The following SOX6 variants were observed in gnomAD, a reference collection of about 807,000 sequenced individuals.
SOX6 encodes the protein transcription factor SOX-6.
A neutral mutation model predicts 97.8 loss-of-function variants in SOX6; 11 were observed. That is an observed-to-expected ratio of 0.11 (90% CI 0.07 to 0.19). SOX6 has a LOEUF of 0.19. Ranked by LOEUF, SOX6 falls within the 10% of genes least tolerant of loss-of-function variation. SOX6 has a pLI of 1.00. For missense variants in SOX6, 810 were observed against 1,039.5 expected (o/e 0.78, Z 3.04); for synonymous variants, 360 against 371.4 (o/e 0.97, Z 0.35).
At chr11:16,637,717 G>A (rs899414379) in intron 3 of SOX6, among the ~76,000 whole-genome samples, 2 of 152,032 alleles carry the variant, frequency 1.3e-5, no homozygotes, top group Non-Finnish European at 2.9e-5. Flanking sequence ...CCAAGGTCAC[G>A]GATATGTCTG....
At chr11:16,268,148 T>C (rs1034480314) in intron 3 of SOX6, among the ~76,000 whole-genome samples, 1 of 151,470 alleles carries the variant, frequency 6.6e-6, no homozygotes, top group East Asian at 1.9e-4. Context: ...ATATAGCTAG[T>C]AATTGAGTAC....
In SOX6 at chr11:15,989,147, G is replaced by T; in HGVS notation, c.1816C>A (p.Arg606=). 1 of 1,614,126 alleles carries T rather than the reference G, an allele frequency of 6.2e-7. No homozygotes were observed. The highest frequency in any genetic ancestry group is 8.5e-7 in the Non-Finnish European group (1 of 1,179,986). The change falls in exon 14 of 16, where the codon CGA becomes AGA. Residue 606 remains arginine, a synonymous_variant. Coordinates refer to ENST00000683767, the MANE Select transcript of SOX6 (RefSeq NM_001367873.1). ...PTGGATVAEA[R]VYRDARGRAS... ...CGGCCGCGGGCGTCCCTGTAGACTCGTGCTTCAGCCACAGTGGCACCTCCT... is the reference window on the plus strand; with the variant it reads ...CGGCCGCGGGCGTCCCTGTAGACTCTTGCTTCAGCCACAGTGGCACCTCCT...
At chr11:16,665,783 G>C (rs1013612035) in intron 3 of SOX6, among the ~76,000 whole-genome samples, 4 of 151,980 alleles carry the variant, frequency 2.6e-5, no homozygotes, top group Non-Finnish European at 4.4e-5. Flanking sequence ...CAGTCGCAGT[G>C]GTGGTGGCCA....
intron 6 of SOX6, among the ~76,000 whole-genome samples, chr11:16,177,927 G>T (rs1330490860): frequency 6.6e-6 from 1 of 151,862 alleles, no homozygotes; most frequent in Non-Finnish European, 1.5e-5. Context: ...AGTACCACTG[G>T]TTTGGGAGAG....
rs200986896 is a variant in SOX6 at position 15,988,441 on chromosome 11, A to G, written c.1966+556T>C. ...TTTGAACTAGTCATATCTTATTAAA[A>G]TAATTGTAGATTTATTTTACAAGTT... On this transcript the variant is annotated intron_variant, in intron 14 of 15. Coordinates refer to ENST00000683767, the MANE Select transcript of SOX6 (RefSeq NM_001367873.1). Among the ~76,000 whole-genome samples the G allele has an allele frequency of 8.5e-5, 13 of 152,354 alleles. No homozygotes were observed. The East Asian group carries it at 1.9e-3, about 23-fold the overall frequency.
rs11825732 is a variant in SOX6 at position 16,404,712 on chromosome 11, G to C, written c.-4-63460C>G. On this transcript the variant is annotated intron_variant, in intron 1 of 15. Transcript: ENST00000396356. ...AGGTTTAAAAGACACACCCCAAGCCGTTCTGCTCCTTGCTGTGGAATGTTT... is the reference window on the plus strand; with the variant it reads ...AGGTTTAAAAGACACACCCCAAGCCCTTCTGCTCCTTGCTGTGGAATGTTT... Among the ~76,000 whole-genome samples the C allele has an allele frequency of 6.9e-3, 1,051 of 151,982 alleles. 6 individuals carry two copies. Among genetic ancestry groups the C allele is most frequent in the African/African-American group, 0.023 (949 of 41,488 alleles).
chr11:16,672,415 T>C (rs945692278), intron 3 of SOX6, among the ~76,000 whole-genome samples: 1 of 152,202 alleles, frequency 6.6e-6, no homozygotes, highest in Admixed American at 6.5e-5. Flanking sequence ...AAGACATACC[T>C]GAGACTGGGC....
intron 7 of SOX6, among the ~76,000 whole-genome samples, chr11:16,099,707 C>CTT (rs34413272): frequency 0.011 from 1,473 of 134,690 alleles, 23 homozygotes; most frequent in African/African-American, 0.038. Context: ...TATGAAATAG[C>CTT]TTTTTTTTTT....
intron 2 of SOX6, among the ~76,000 whole-genome samples, chr11:16,719,855 T>C (rs1186527276): frequency 1.3e-5 from 2 of 151,942 alleles, no homozygotes; most frequent in Non-Finnish European, 2.9e-5. Flanking sequence ...TCCCAGGAGG[T>C]AGAGGCTGCA....
intron 4 of SOX6, among the ~76,000 whole-genome samples, chr11:16,520,513 A>T (rs759691571): frequency 5.3e-5 from 8 of 152,240 alleles, no homozygotes; most frequent in Admixed American, 6.5e-5. Flanking sequence ...ATGGCCAAAT[A>T]GGAACAGCTC....
rs576415488 is a variant in SOX6, at chr11:16,189,300, G to A, written c.536-2345C>T. On this transcript the variant is annotated intron_variant, in intron 4 of 15. Transcript: ENST00000683767. ...GGTTTGAAGGAGCTTTCCAGAAAAC[G>A]TGAAATTGCAATGACAAGGAAACTA... 2.3e-4 allele frequency among the ~76,000 whole-genome samples: 35 copies of A among 152,218 alleles called. No individual in the cohort carries two copies. The East Asian group carries it at 6.2e-3, about 27-fold the overall frequency.
chr11:16,259,493 AC>A (rs1259451444), intron 3 of SOX6, among the ~76,000 whole-genome samples: 2 of 152,288 alleles, frequency 1.3e-5, no homozygotes, highest in East Asian at 3.9e-4. Flanking sequence ...TTGAGTAAGA[AC>A]AAAATTAAAG....
intron 3 of SOX6, among the ~76,000 whole-genome samples, chr11:16,236,513 G>GT (rs371227072): frequency 3.3e-5 from 5 of 151,404 alleles, no homozygotes; most frequent in South Asian, 4.2e-4. Context: ...ACCCAATTCT[G>GT]TTTTTTTTAG....
At chr11:16,688,631 T>C (rs1172144601) in intron 3 of SOX6, among the ~76,000 whole-genome samples, 1 of 152,254 alleles carries the variant, frequency 6.6e-6, no homozygotes, top group Non-Finnish European at 1.5e-5. Context: ...TCGTTTTTTA[T>C]ATCTTCCATG....
intron 3 of SOX6, among the ~76,000 whole-genome samples, chr11:16,253,733 T>C (rs1050634620): frequency 1.3e-5 from 2 of 151,680 alleles, no homozygotes; most frequent in African/African-American, 4.8e-5. Context: ...CAACTACAAA[T>C]GGTATATCAT....
At chr11:16,212,053 T>C (rs1852247102) in intron 4 of SOX6, among the ~76,000 whole-genome samples, 1 of 152,110 alleles carries the variant, frequency 6.6e-6, no homozygotes, top group South Asian at 2.1e-4. Flanking sequence ...AAGAACCTCC[T>C]CCAGTTGACT....
At chr11:16,261,353 C>G (rs1250145600) in intron 3 of SOX6, among the ~76,000 whole-genome samples, 3 of 152,080 alleles carry the variant, frequency 2.0e-5, no homozygotes, top group Non-Finnish European at 4.4e-5. Context: ...ATTTTGTGCA[C>G]TTAAATTTAA....
At chr11:16,616,608 T>C (rs1362518088) in intron 3 of SOX6, among the ~76,000 whole-genome samples, 2 of 152,076 alleles carry the variant, frequency 1.3e-5, no homozygotes, top group African/African-American at 4.8e-5. Flanking sequence ...ATGTTAACTG[T>C]GGATTTATCT....
intron 2 of SOX6, among the ~76,000 whole-genome samples, chr11:16,733,059 T>A (rs898313136): frequency 9.2e-5 from 14 of 152,288 alleles, no homozygotes; most frequent in African/African-American, 3.1e-4. Flanking sequence ...AGGGCAATCA[T>A]TAAAAAGTCA....
Sources: allele counts gnomAD v4.1 joint callset (sites outside exome capture counted in the v4.1 genomes callset), GRCh38; gene constraint gnomAD v4.1.1; transcripts MANE v1.5; gene names NCBI Gene and HGNC (gene_info 2026-07-23, HGNC 2026-07-21).